The following ZFHX3 variants were observed in gnomAD, a reference collection of about 807,000 sequenced individuals.
ZFHX3 encodes the protein zinc finger homeobox protein 3.
ZFHX3 carries 42 observed loss-of-function variants against 279.1 expected under a neutral mutation model. That is an observed-to-expected ratio of 0.15 (90% CI 0.12 to 0.19). The LOEUF is 0.19. ZFHX3 is among the 10% of genes least tolerant of loss of function. The pLI is 1.00. For missense variants in ZFHX3, 4,981 were observed against 4,754.0 expected, an observed-to-expected ratio of 1.05 and a Z score of -1.40; for synonymous variants, 2,293 against 1,957.8, an observed-to-expected ratio of 1.17 and a Z score of -4.52.
At chr16:73,154,085 T>C (rs952948528) in intron 5 of ZFHX3, among the ~76,000 whole-genome samples, 2 of 152,114 alleles carry the variant, frequency 1.3e-5, no homozygotes, top group Non-Finnish European at 2.9e-5. Context: ...AAGGCGACCA[T>C]TGCGAAAATG....
At chr16:73,538,825 A>G (rs966662667) in intron 2 of ZFHX3, among the ~76,000 whole-genome samples, 1 of 152,166 alleles carries the variant, frequency 6.6e-6, no homozygotes, top group Non-Finnish European at 1.5e-5. Flanking sequence ...ATGCAGCACC[A>G]TTTTCTGCCA....
chr16:73,798,666 T>C (rs1299242106), intron 1 of ZFHX3, among the ~76,000 whole-genome samples: 1 of 152,154 alleles, frequency 6.6e-6, no homozygotes, highest in Non-Finnish European at 1.5e-5. Context: ...GCTCCTCAGC[T>C]CTGTTGTACA....
intron 3 of ZFHX3, among the ~76,000 whole-genome samples, chr16:73,414,386 C>G (rs540580402): frequency 6.6e-6 from 1 of 152,196 alleles, no homozygotes; most frequent in Admixed American, 6.5e-5. Flanking sequence ...GATGTTTGTC[C>G]CTGTCTGTAA....
chr16:73,644,412 C>A (rs974876389), intron 2 of ZFHX3, among the ~76,000 whole-genome samples: 1 of 152,214 alleles, frequency 6.6e-6, no homozygotes, highest in East Asian at 1.9e-4. Flanking sequence ...GTAATCCCAG[C>A]ACTTTGGGAG....
intron 1 of ZFHX3, among the ~76,000 whole-genome samples, chr16:73,792,248 T>A (rs1959846350): frequency 6.6e-6 from 1 of 152,212 alleles, no homozygotes; most frequent in Non-Finnish European, 1.5e-5. Context: ...TTTCCGCCAT[T>A]GTAAAGCATG....
At chr16:73,439,606 A>G (rs2018051441) in intron 3 of ZFHX3, among the ~76,000 whole-genome samples, 1 of 152,132 alleles carries the variant, frequency 6.6e-6, no homozygotes, top group African/African-American at 2.4e-5. Context: ...GACTGAATAT[A>G]CATTTTTCCC....
intron 1 of ZFHX3, among the ~76,000 whole-genome samples, chr16:73,844,249 T>C (rs1020701096): frequency 4.3e-4 from 65 of 152,146 alleles, no homozygotes; most frequent in Non-Finnish European, 1.6e-4. Flanking sequence ...CAGTGAAATG[T>C]ATGGGTCCAG....
intron 4 of ZFHX3, among the ~76,000 whole-genome samples, chr16:73,285,916 C>T (rs779681137): frequency 2.0e-5 from 3 of 152,160 alleles, no homozygotes; most frequent in Non-Finnish European, 4.4e-5. Context: ...TAGTGTCAAG[C>T]CTGGTGATTT....
chr16:73,050,716 A>C (rs2144726196), upstream of ZFHX3, among the ~76,000 whole-genome samples: 1 of 152,314 alleles, frequency 6.6e-6, no homozygotes, highest in South Asian at 2.1e-4. Context: ...CCTACCCAGC[A>C]GTGACAGCCT....
At chr16:73,001,185 A>C (rs749020189) in intron 1 of ZFHX3, among the ~76,000 whole-genome samples, 13 of 152,218 alleles carry the variant, frequency 8.5e-5, no homozygotes, top group Admixed American at 2.0e-4. Flanking sequence ...TATGGAAGCC[A>C]AGTGCCCCAT....
At chr16:73,142,873 C>A (rs1225536707) in intron 6 of ZFHX3, among the ~76,000 whole-genome samples, 1 of 152,268 alleles carries the variant, frequency 6.6e-6, no homozygotes. Context: ...CAGAAAGGCC[C>A]AGTGATTGGT....
chr16:72,921,804 C>G (rs1345431874), intron 3 of ZFHX3, among the ~76,000 whole-genome samples: 1 of 152,198 alleles, frequency 6.6e-6, no homozygotes, highest in Admixed American at 6.5e-5. Context: ...TGTCCTGAGC[C>G]AGGAGGAGAC....
At chr16:73,762,835 A>G (rs559990330) in intron 1 of ZFHX3, among the ~76,000 whole-genome samples, 1 of 152,230 alleles carries the variant, frequency 6.6e-6, no homozygotes, top group African/African-American at 2.4e-5. Context: ...GGAGTGGAGC[A>G]GAGAGAGGGA....
chr16:72,894,148 C>CAA (rs11340955), intron 3 of ZFHX3, among the ~76,000 whole-genome samples: 6 of 124,814 alleles, frequency 4.8e-5, no homozygotes, highest in Admixed American at 8.1e-5. Context: ...AACTCTGTCT[C>CAA]AAAAAAAAAA....
At chr16:73,816,026 T>C (rs1311877137) in intron 1 of ZFHX3, 1 of 152,228 alleles carries the variant, frequency 6.6e-6, no homozygotes, top group Non-Finnish European at 1.5e-5. Context: ...TGTGTCTTCA[T>C]TTATAAAAAT....
At chr16:73,314,953 C>T (rs771801338) in intron 4 of ZFHX3, among the ~76,000 whole-genome samples, 5 of 152,196 alleles carry the variant, frequency 3.3e-5, no homozygotes, top group Admixed American at 1.3e-4. Flanking sequence ...TCAGGCTGGG[C>T]GTGATGGCTC....
chr16:73,823,925 C>A (rs1054475940), intron 1 of ZFHX3, among the ~76,000 whole-genome samples: 9 of 152,188 alleles, frequency 5.9e-5, no homozygotes, highest in African/African-American at 2.2e-4. Flanking sequence ...TTAATGACAT[C>A]TCAGAAATCA....
At chr16:73,879,909 A>G (rs530750984) in intron 1 of ZFHX3, among the ~76,000 whole-genome samples, 52 of 152,264 alleles carry the variant, frequency 3.4e-4, no homozygotes, top group Non-Finnish European at 6.6e-4. Flanking sequence ...GGGCAAAATT[A>G]CACCCTACTG....
At chr16:73,299,051 C>T (rs1009229934) in intron 4 of ZFHX3, among the ~76,000 whole-genome samples, 1 of 152,178 alleles carries the variant, frequency 6.6e-6, no homozygotes, top group Non-Finnish European at 1.5e-5. Flanking sequence ...AGTCTCTAAA[C>T]TGACTAATTT....
Sources: allele counts gnomAD v4.1 joint callset (sites outside exome capture counted in the v4.1 genomes callset), GRCh38; gene constraint gnomAD v4.1.1; transcripts MANE v1.5; gene names NCBI Gene and HGNC (gene_info 2026-07-23, HGNC 2026-07-21).